Variants in TCF7L1 observed in about 807,000 individuals in gnomAD.
TCF7L1 encodes the protein transcription factor 7 like 1, also known as transcription factor 7-like 1.
Under a neutral mutation model 63.7 loss-of-function variants are expected in TCF7L1, and 18 were observed. The observed-to-expected ratio is 0.28, with a 90% CI of 0.20 to 0.42. The LOEUF is 0.42. Ranked by LOEUF, TCF7L1 falls within the 10% of genes least tolerant of loss-of-function variation. The pLI is 1.00. For missense variants in TCF7L1, 654 were observed against 779.3 expected, an observed-to-expected ratio of 0.84 and a Z score of 1.91; for synonymous variants, 355 against 340.9, an observed-to-expected ratio of 1.04 and a Z score of -0.46.
chr2:85,141,584 G>A (rs1247110424), intron 3 of TCF7L1, among the ~76,000 whole-genome samples: 4 of 152,222 alleles, frequency 2.6e-5, no homozygotes, highest in Non-Finnish European at 5.9e-5. Context: ...GAAAGAAGAG[G>A]AAAGGGAGGA....
intron 3 of TCF7L1, among the ~76,000 whole-genome samples, chr2:85,247,866 TC>T (rs1278064073): frequency 1.3e-5 from 2 of 152,176 alleles, no homozygotes; most frequent in Non-Finnish European, 2.9e-5. Context: ...GCGGTGACTT[TC>T]CCAGATGCAG....
chr2:85,229,011 ACT>A (rs1376429551), intron 3 of TCF7L1, among the ~76,000 whole-genome samples: 1 of 116,668 alleles, frequency 8.6e-6, no homozygotes, highest in Non-Finnish European at 1.7e-5. Flanking sequence ...ACAGAGAGAG[ACT>A]CTGTCTCAAA....
chr2:85,146,497 C>CTTTTTTTT (rs554058692), intron 3 of TCF7L1, among the ~76,000 whole-genome samples: 54 of 103,564 alleles, frequency 5.2e-4, no homozygotes, highest in Non-Finnish European at 7.9e-4. Context: ...TTCTTTCTTT[C>CTTTTTTTT]TTTTTTTTTT....
intron 3 of TCF7L1, among the ~76,000 whole-genome samples, chr2:85,240,617 CA>C (rs60695204): frequency 3.2e-3 from 403 of 126,982 alleles, no homozygotes; most frequent in Middle Eastern, 4.0e-3. Context: ...ACTAAAAATA[CA>C]AAAAAAAAAA....
At chr2:85,149,413 A>G (rs1390633267) in intron 3 of TCF7L1, among the ~76,000 whole-genome samples, 1 of 152,090 alleles carries the variant, frequency 6.6e-6, no homozygotes, top group African/African-American at 2.4e-5. Context: ...GCAGTATAGT[A>G]TATAAATATA....
At chr2:85,286,763 G>A (rs1681569527) in intron 4 of TCF7L1, among the ~76,000 whole-genome samples, 1 of 152,110 alleles carries the variant, frequency 6.6e-6, no homozygotes, top group African/African-American at 2.4e-5. Context: ...CCAAAGTGCT[G>A]GGATTACAGG....
chr2:85,300,261 T>C lies in TCF7L1; in HGVS notation c.526-2223T>C, dbSNP rs116243852. Among the ~76,000 whole-genome samples, 646 of 152,312 alleles carry C rather than the reference T, an allele frequency of 4.2e-3. 5 individuals carry two copies. Among genetic ancestry groups the C allele is most frequent in the African/African-American group, 0.015 (628 of 41,562 alleles). On this transcript the variant is annotated intron_variant, in intron 4 of 11. Coordinates refer to ENST00000282111, the MANE Select transcript of TCF7L1 (RefSeq NM_031283.3). ...TATTTTCACGCTGGTAATAATTCTA[T>C]TGGATTTATTTTACTAAAAGTCACC...
At chr2:85,142,677 A>G (rs991595598) in intron 3 of TCF7L1, among the ~76,000 whole-genome samples, 3 of 152,086 alleles carry the variant, frequency 2.0e-5, no homozygotes, top group Non-Finnish European at 4.4e-5. Context: ...CATGTTTTAT[A>G]TTATTTCTCC....
At chr2:85,222,669 C>CAAAAAA (rs60020804) in intron 3 of TCF7L1, among the ~76,000 whole-genome samples, 14 of 58,182 alleles carry the variant, frequency 2.4e-4, no homozygotes, top group Admixed American at 6.5e-4. Flanking sequence ...GACCCCATCT[C>CAAAAAA]AAAAAAAAAA....
At chr2:85,174,341 A>T (rs996879455) in intron 3 of TCF7L1, among the ~76,000 whole-genome samples, 1 of 152,144 alleles carries the variant, frequency 6.6e-6, no homozygotes, top group African/African-American at 2.4e-5. Context: ...CAAATACTGT[A>T]CTGCATTATA....
intron 3 of TCF7L1, among the ~76,000 whole-genome samples, chr2:85,247,842 A>G (rs971598572): frequency 3.3e-5 from 5 of 152,046 alleles, no homozygotes; most frequent in African/African-American, 1.2e-4. Flanking sequence ...CACCGTATTT[A>G]TGTGTGGGGG....
intron 3 of TCF7L1, among the ~76,000 whole-genome samples, chr2:85,196,671 G>A (rs979527371): frequency 3.3e-5 from 5 of 152,056 alleles, no homozygotes; most frequent in Middle Eastern, 3.4e-3. Flanking sequence ...CACCCAGCCC[G>A]GACTTTATAA....
At position 85,306,633 on chromosome 2, in the gene TCF7L1, A is replaced by G. The variant is rs979559136; in HGVS notation, c.1257+74A>G. ...CTGCAAGAGGAGGAAGGGTGAAGGA[A>G]AGCAACTGCATTTATTTTTATTTAT... On this transcript the variant is annotated intron_variant, in intron 10 of 11. Coordinates refer to ENST00000282111, the MANE Select transcript of TCF7L1 (RefSeq NM_031283.3). This position sits in a 1 kb window ranked among gnomAD's most constrained non-coding sequence, Gnocchi z 4.3. The G allele has an allele frequency of 1.0e-4, 114 of 1,114,662 alleles. No individual in the cohort carries two copies. Among genetic ancestry groups the G allele is most frequent in the Non-Finnish European group, 1.4e-4 (108 of 762,468 alleles). 69.0% of individuals were successfully genotyped at this position (1,114,662 alleles called of 1,614,324 possible).
intron 3 of TCF7L1, among the ~76,000 whole-genome samples, chr2:85,225,260 C>T (rs913984130): frequency 5.9e-5 from 9 of 151,860 alleles, no homozygotes; most frequent in Admixed American, 1.3e-4. Flanking sequence ...TTGCCTATGC[C>T]GGCTCTTTTG....
intron 3 of TCF7L1, among the ~76,000 whole-genome samples, chr2:85,248,162 A>C (rs977207852): frequency 6.6e-6 from 1 of 152,158 alleles, no homozygotes; most frequent in African/African-American, 2.4e-5. Context: ...TGAACAGGAA[A>C]TCTAGGGAGC....
At chr2:85,147,097 C>G (rs761765890) in intron 3 of TCF7L1, among the ~76,000 whole-genome samples, 5 of 152,112 alleles carry the variant, frequency 3.3e-5, no homozygotes, top group Admixed American at 6.5e-5. Context: ...ATTCACCCAA[C>G]TTCTCTGTAT....
chr2:85,278,211 C>T (rs930998542), intron 3 of TCF7L1, among the ~76,000 whole-genome samples: 21 of 152,200 alleles, frequency 1.4e-4, no homozygotes, highest in Admixed American at 1.0e-3. Flanking sequence ...CCGAGATCCA[C>T]GTTGAGCAGA....
chr2:85,267,610 T>C (rs551462697), intron 3 of TCF7L1, among the ~76,000 whole-genome samples: 74 of 148,676 alleles, frequency 5.0e-4, no homozygotes, highest in Middle Eastern at 3.6e-3. Context: ...GATCGCACCA[T>C]TGCACTCCAA....
Position 85,133,962 on chromosome 2 carries a change from G to A in TCF7L1, c.249+29G>A. 1.9e-6 allele frequency: 3 copies of A among 1,578,568 alleles called. No homozygotes were observed. Among genetic ancestry groups the A allele is most frequent in the Non-Finnish European group, 2.6e-6 (3 of 1,160,594 alleles). On this transcript the variant is annotated intron_variant, in intron 1 of 11. Coordinates refer to ENST00000282111, the MANE Select transcript of TCF7L1 (RefSeq NM_031283.3). This position sits in a 1 kb window ranked among gnomAD's most constrained non-coding sequence, Gnocchi z 4.4. ...AGGAAGCACCGCGGCCACCCCCGGGGGATCCCGGCCCTGCGTCCGCTCACC... is the reference window on the plus strand; with the variant it reads ...AGGAAGCACCGCGGCCACCCCCGGGAGATCCCGGCCCTGCGTCCGCTCACC...
Sources: gnomAD v4.1 joint callset for allele counts (sites outside exome capture counted in the v4.1 genomes callset) on GRCh38, gnomAD v4.1.1 for gene constraint, Gnocchi (gnomAD v3.1) non-coding constraint, MANE v1.5 for transcripts, NCBI Gene and HGNC (gene_info 2026-07-23, HGNC 2026-07-21) for gene names.